PIBF1: variants seen among roughly 807,000 people sequenced by gnomAD.
The protein encoded by PIBF1 is progesterone-induced-blocking factor 1.
Under a neutral mutation model 112.5 loss-of-function variants are expected in PIBF1, and 90 were observed. The ratio of observed to expected loss-of-function variants is 0.80; its 90% CI spans 0.67 to 0.95. PIBF1 has a LOEUF of 0.95. Among genes scored for constraint, PIBF1 ranks in the 40% least tolerant of loss-of-function variants. The pLI, the probability that PIBF1 is intolerant of heterozygous loss-of-function variation, is 0.00. For synonymous variants in PIBF1, 301 were observed against 288.6 expected (o/e 1.04, Z -0.44); for missense variants, 915 against 852.3 (o/e 1.07, Z -0.92).
intron 5 of PIBF1, among the ~76,000 whole-genome samples, chr13:72,804,552 G>A (rs1263519083): frequency 1.3e-5 from 2 of 152,244 alleles, no homozygotes; most frequent in East Asian, 1.9e-4. Flanking sequence ...TTAGGGGAGA[G>A]GGGAGGGAGA....
At chr13:72,870,126 A>G (rs978998998) in intron 10 of PIBF1, among the ~76,000 whole-genome samples, 1 of 152,154 alleles carries the variant, frequency 6.6e-6, no homozygotes, top group Middle Eastern at 3.2e-3. Context: ...TTCCATTACC[A>G]TTTTATAATA....
chr13:72,795,385 A>G lies in PIBF1; in HGVS notation c.380A>G (p.Glu127Gly), dbSNP rs768827722. The change falls in exon 4 of 18, where the codon GAA becomes GGA. Residue 127 changes from glutamate to glycine, a missense_variant. Physicochemically the swap from Glu to Gly is moderately conservative, Grantham distance 98. Coordinates refer to ENST00000326291, the MANE Select transcript of PIBF1 (RefSeq NM_006346.4). ...ASKYQELMKQ[E>G]METILLRQKQ... ...AAATATCAAGAATTAATGAAACAAG[A>G]AATGGAAACCATTTTGTTGAGACAG... 4 of 1,598,272 alleles carry G rather than the reference A, an allele frequency of 2.5e-6. No homozygotes were observed.
chr13:72,849,924 G>A (rs2038053524), intron 9 of PIBF1, among the ~76,000 whole-genome samples: 1 of 152,214 alleles, frequency 6.6e-6, no homozygotes, highest in African/African-American at 2.4e-5. Flanking sequence ...ACAATTAAAT[G>A]AGTTGTGATA....
At position 73,015,944 on chromosome 13, in the gene PIBF1, G is replaced by T; in HGVS notation, c.*25G>T. On this transcript the variant is annotated 3_prime_UTR_variant, in exon 18 of 18. Coordinates refer to ENST00000326291, the MANE Select transcript of PIBF1 (RefSeq NM_006346.4). ...GTGTTTTGGATGGGAAGCACCTGTA[G>T]ACCATTATATACTCCTGAAGTTCTT... 2 of 1,513,328 alleles carry T rather than the reference G, an allele frequency of 1.3e-6. No homozygotes were observed. Among genetic ancestry groups the T allele is most frequent in the South Asian group, 2.4e-5 (2 of 82,302 alleles). 93.7% of individuals were successfully genotyped at this position (1,513,328 alleles called of 1,614,324 possible). A position where few individuals can be genotyped will look rare whatever the true frequency, so the allele number is the denominator to read the frequency against.
chr13:72,797,139 GA>G (rs2035237143), intron 4 of PIBF1, among the ~76,000 whole-genome samples: 4 of 152,118 alleles, frequency 2.6e-5, no homozygotes, highest in African/African-American at 7.2e-5. Context: ...GTAATGATGT[GA>G]AAGATACCTC....
intron 14 of PIBF1, among the ~76,000 whole-genome samples, chr13:72,937,698 C>T (rs561134772): frequency 8.0e-4 from 122 of 152,142 alleles, no homozygotes; most frequent in Non-Finnish European, 1.5e-3. Context: ...ACCTGTAATC[C>T]CAGCTACTCG....
At chr13:72,927,064 C>CTT (rs555171205) in intron 13 of PIBF1, among the ~76,000 whole-genome samples, 2 of 141,910 alleles carry the variant, frequency 1.4e-5, no homozygotes, top group Non-Finnish European at 1.5e-5. Flanking sequence ...TAGTAATTTC[C>CTT]TTTTTTTTTT....
intron 15 of PIBF1, among the ~76,000 whole-genome samples, chr13:72,968,202 A>G (rs989378094): frequency 2.0e-5 from 3 of 152,072 alleles, no homozygotes; most frequent in Admixed American, 6.6e-5. Flanking sequence ...GAAAAATTCT[A>G]CATCAGTGCT....
At chr13:72,962,877 G>C (rs1253548308) in intron 14 of PIBF1, among the ~76,000 whole-genome samples, 1 of 152,132 alleles carries the variant, frequency 6.6e-6, no homozygotes, top group Non-Finnish European at 1.5e-5. Context: ...CCAGATTTCT[G>C]AACTTACTGT....
intron 5 of PIBF1, among the ~76,000 whole-genome samples, chr13:72,809,132 C>CTTTTTTTTTTTTTTTTTTTTTTTT (rs35219701): frequency 1.3e-5 from 1 of 74,854 alleles, no homozygotes; most frequent in Non-Finnish European, 2.4e-5. Flanking sequence ...GTATATGTCC[C>CTTTTTTTTTTTTTTTTTTTTTTTT]TTTTTTTTTT....
At chr13:72,823,618 G>A (rs1178597307) in intron 6 of PIBF1, among the ~76,000 whole-genome samples, 1 of 152,080 alleles carries the variant, frequency 6.6e-6, no homozygotes, top group Non-Finnish European at 1.5e-5. Flanking sequence ...ACAGGTGTAT[G>A]GATGTTAATT....
rs374056376 is a variant in PIBF1, at chr13:72,831,141, T to C, written c.1097+3227T>C. On this transcript the variant is annotated intron_variant, in intron 8 of 17. Coordinates refer to ENST00000326291, the MANE Select transcript of PIBF1 (RefSeq NM_006346.4). ...CCTTTATCATTTTTTATTGTGTCTG[T>C]TTGGTTCTTCCTCTCTTCTTTATTA... Among the ~76,000 whole-genome samples, 17 of 152,238 alleles carry C rather than the reference T, an allele frequency of 1.1e-4. No individual in the cohort carries two copies. In the East Asian group the frequency reaches 3.3e-3, roughly 29 times the overall value.
At chr13:72,928,824 A>G (rs1332210607) in intron 13 of PIBF1, among the ~76,000 whole-genome samples, 1 of 152,208 alleles carries the variant, frequency 6.6e-6, no homozygotes, top group Admixed American at 6.5e-5. Flanking sequence ...ACATTATAGA[A>G]TTCCCAAACA....
intron 1 of PIBF1, among the ~76,000 whole-genome samples, chr13:72,782,996 C>T (rs1051839853): frequency 6.6e-6 from 1 of 151,958 alleles, no homozygotes; most frequent in Non-Finnish European, 1.5e-5. Flanking sequence ...TCATTAATAA[C>T]TGCATGATTT....
intron 14 of PIBF1, among the ~76,000 whole-genome samples, chr13:72,935,941 C>T (rs1169058454): frequency 6.6e-6 from 1 of 151,950 alleles, no homozygotes; most frequent in African/African-American, 2.4e-5. Flanking sequence ...AGTCATTTAT[C>T]AGATATATGA....
At chr13:72,790,420 A>ATC (rs1555280972) in intron 2 of PIBF1, among the ~76,000 whole-genome samples, 6 of 54,060 alleles carry the variant, frequency 1.1e-4, no homozygotes, top group East Asian at 5.3e-4. Flanking sequence ...GGAGGAGTCC[A>ATC]TCACACACAC....
intron 17 of PIBF1, among the ~76,000 whole-genome samples, chr13:73,001,027 TGA>T (rs1351352540): frequency 6.6e-6 from 1 of 152,198 alleles, no homozygotes; most frequent in African/African-American, 2.4e-5. Flanking sequence ...TAATGAAAAC[TGA>T]GAGGTAATAC....
At chr13:72,999,751 A>G (rs2043796928) in intron 17 of PIBF1, among the ~76,000 whole-genome samples, 1 of 152,250 alleles carries the variant, frequency 6.6e-6, no homozygotes, top group Non-Finnish European at 1.5e-5. Flanking sequence ...TTTTAAAAAA[A>G]TGAAAGTTGC....
At position 72,921,365 on chromosome 13, in the gene PIBF1, G is replaced by A. The variant is rs147051159; in HGVS notation, c.1730+4199G>A. Among the ~76,000 whole-genome samples the A allele has an allele frequency of 1.2e-3, 184 of 151,996 alleles. 1 individual carries two copies. The highest frequency in any genetic ancestry group is 2.0e-3 in the Non-Finnish European group (135 of 67,986). On this transcript the variant is annotated intron_variant, in intron 13 of 17. Transcript: ENST00000326291. Reference sequence around the variant, plus strand: ...TAAGCTCAGGCAATCTGCCCACCACGGCCTCCCAAACTACAAGGATTACAG... The same window carrying A: ...TAAGCTCAGGCAATCTGCCCACCACAGCCTCCCAAACTACAAGGATTACAG...
Sources: allele counts gnomAD v4.1 joint callset (sites outside exome capture counted in the v4.1 genomes callset), GRCh38; gene constraint gnomAD v4.1.1; transcripts MANE v1.5; gene names NCBI Gene and HGNC (gene_info 2026-07-23, HGNC 2026-07-21).